Variants in PDXDC1 observed in about 807,000 individuals in gnomAD.
The protein encoded by PDXDC1 is pyridoxal-dependent decarboxylase domain-containing protein 1.
In PDXDC1, 42 loss-of-function variants were observed where a neutral mutation model predicts 100.1. The observed-to-expected ratio is 0.42, with a 90% CI of 0.33 to 0.54. PDXDC1 has a LOEUF of 0.54. Among genes scored for constraint, PDXDC1 ranks in the 20% least tolerant of loss-of-function variants. The pLI is 0.10. For synonymous variants in PDXDC1, 260 were observed against 371.7 expected (o/e 0.70, Z 3.46); for missense variants, 636 against 979.2 (o/e 0.65, Z 4.68).
chr16:15,042,160 G>A (rs1341181996), downstream of PDXDC1, among the ~76,000 whole-genome samples: 1 of 151,552 alleles, frequency 6.6e-6, no homozygotes, highest in Non-Finnish European at 1.5e-5. Flanking sequence ...GCTCAGCAGA[G>A]CTGACTATAA....
At chr16:15,022,906 A>C (rs1428963072) in intron 13 of PDXDC1, 152 bp downstream of exon 13, 1 of 677,592 alleles carries the variant, frequency 1.5e-6, no homozygotes, top group African/African-American at 1.8e-5. Context: ...AACGAAACAA[A>C]AAACAAAAAC....
chr16:15,075,017 A>G (rs1273371133), intron 16 of PDXDC1, among the ~76,000 whole-genome samples: 1 of 152,176 alleles, frequency 6.6e-6, no homozygotes, highest in Non-Finnish European at 1.5e-5. Flanking sequence ...TGGGAAGCAG[A>G]GGTGGGGGGA....
At chr16:15,008,370 C>T (rs1231458833) in intron 6 of PDXDC1, among the ~76,000 whole-genome samples, 1 of 152,254 alleles carries the variant, frequency 6.6e-6, no homozygotes, top group African/African-American at 2.4e-5. Context: ...GGTGGGTGAA[C>T]CCATAAATAA....
At chr16:15,094,194 C>G (rs542105378) in intron 16 of PDXDC1, 1 of 1,600,262 alleles carries the variant, frequency 6.2e-7, no homozygotes, top group African/African-American at 1.3e-5. Context: ...GAAGCGGCCG[C>G]ATCTCCCGGC....
At chr16:15,125,893 C>T (rs2047689477) in intron 16 of PDXDC1, 3 of 707,728 alleles carry the variant, frequency 4.2e-6, no homozygotes, top group Non-Finnish European at 7.7e-6. Context: ...GCAGACAGGA[C>T]AGAGCCCGGT....
At chr16:15,063,439 T>G (rs951492319) in intron 16 of PDXDC1, among the ~76,000 whole-genome samples, 10 of 152,080 alleles carry the variant, frequency 6.6e-5, no homozygotes, top group Non-Finnish European at 1.3e-4. Flanking sequence ...CTGGGTGCAG[T>G]GGCTCACGCC....
At chr16:15,111,663 C>G (rs1466594257) in intron 16 of PDXDC1, among the ~76,000 whole-genome samples, 1 of 133,288 alleles carries the variant, frequency 7.5e-6, no homozygotes, top group Admixed American at 8.6e-5. Context: ...GAGGCTGAGG[C>G]AGGAGAACTG....
At chr16:15,144,901 CG>C in the PDXDC1 span, among the ~76,000 whole-genome samples, 2 of 152,272 alleles carry the variant, frequency 1.3e-5, no homozygotes, top group East Asian at 3.9e-4. Flanking sequence ...CCGCTGGGGT[CG>C]GGGCCACCCT....
In PDXDC1 at chr16:15,130,638, G is replaced by A. The variant is rs752977192; in HGVS notation, c.1400-8241G>A. On this transcript the variant is annotated intron_variant, in intron 16 of 16. Transcript: ENST00000535621. ...CAGGCCGGCCCGCAGAGCTCACCCC[G>A]GGGAAATGAAGAAGGTGTAGGGCCG... is the stretch of plus-strand genomic sequence containing the variant. 25 of 1,348,320 alleles carry A rather than the reference G, an allele frequency of 1.9e-5. 1 individual carries two copies. Among genetic ancestry groups the A allele is most frequent in the Admixed American group, 1.2e-4 (7 of 59,394 alleles). The allele number at this position is 1,348,320 out of a possible 1,614,324, so 83.5% of individuals were successfully genotyped here.
chr16:14,991,526 ATTTT>A (rs1168644641), intron 1 of PDXDC1, among the ~76,000 whole-genome samples: 5 of 136,436 alleles, frequency 3.7e-5, no homozygotes, highest in Middle Eastern at 3.5e-3. Context: ...TATTTTGTCT[ATTTT>A]TTTTTTTTTT....
At chr16:15,086,318 A>G (rs745525059) in intron 16 of PDXDC1, 1 of 1,609,230 alleles carries the variant, frequency 6.2e-7, no homozygotes, top group Non-Finnish European at 8.5e-7. Flanking sequence ...TACTATTACC[A>G]AAGTTCTGAA....
In PDXDC1 at chr16:15,109,952, G is replaced by A. The variant is rs1426619217; in HGVS notation, c.1400-28927G>A. Among the ~76,000 whole-genome samples, 90 of 143,674 alleles carry A rather than the reference G, an allele frequency of 6.3e-4. 6 individuals are homozygous for A. Among genetic ancestry groups the A allele is most frequent in the Admixed American group, 2.1e-4 (3 of 14,280 alleles). 94.3% of individuals were successfully genotyped at this position (143,674 alleles called of 152,430 possible). A position where few individuals can be genotyped will look rare whatever the true frequency, so the allele number is the denominator to read the frequency against. On this transcript the variant is annotated intron_variant, in intron 16 of 16. Coordinates refer to the PDXDC1 transcript ENST00000535621. ...GTGGATTACCTGAGGTCAGAAGTTC[G>A]AGACCAGCCTGGACAACATGGTGAA...
chr16:15,146,805 G>C, the PDXDC1 span, among the ~76,000 whole-genome samples: 2 of 152,128 alleles, frequency 1.3e-5, no homozygotes, highest in South Asian at 4.1e-4. Context: ...AACCGACAGA[G>C]CTACTTTAAC....
chr16:15,028,161 G>A (rs867152249), intron 14 of PDXDC1, among the ~76,000 whole-genome samples: 1 of 152,276 alleles, frequency 6.6e-6, no homozygotes, highest in African/African-American at 2.4e-5. Context: ...CCTCTTGTTC[G>A]TTGTGCCTCA....
At chr16:15,144,403 GC>G in the PDXDC1 span, among the ~76,000 whole-genome samples, 1 of 152,214 alleles carries the variant, frequency 6.6e-6, no homozygotes, top group Non-Finnish European at 1.5e-5. Flanking sequence ...AAACAGTGCA[GC>G]CCCGGGCTGG....
intron 13 of PDXDC1, chr16:15,025,947 T>C (rs1414150377): frequency 6.6e-6 from 1 of 152,356 alleles, no homozygotes; most frequent in Non-Finnish European, 1.5e-5. Context: ...AAGTTAGTCG[T>C]CTTCGGCCTG....
intron 16 of PDXDC1, among the ~76,000 whole-genome samples, chr16:15,068,772 C>A (rs984067174): frequency 6.6e-6 from 1 of 152,116 alleles, no homozygotes; most frequent in African/African-American, 2.4e-5. Flanking sequence ...TCTACCTCAA[C>A]GGACGGCAAA....
chr16:15,063,433 G>T (rs982558450), intron 16 of PDXDC1: 231 of 691,984 alleles, frequency 3.3e-4, no homozygotes, highest in Admixed American at 1.2e-3. Context: ...ACCTGGCTGG[G>T]TGCAGTGGCT....
intron 16 of PDXDC1, chr16:15,047,795 C>T: frequency 7.2e-7 from 1 of 1,382,644 alleles, no homozygotes; most frequent in Middle Eastern, 1.9e-4. Context: ...ACGAGAAATT[C>T]AATGGTCCCA....
Sources: gnomAD v4.1 joint callset for allele counts (sites outside exome capture counted in the v4.1 genomes callset) on GRCh38, gnomAD v4.1.1 for gene constraint, MANE v1.5 for transcripts, NCBI Gene and HGNC (gene_info 2026-07-23, HGNC 2026-07-21) for gene names.